The following DEPDC5 variants were observed in gnomAD, a reference collection of about 807,000 sequenced individuals.
DEPDC5 encodes GATOR1 complex protein DEPDC5.
Under a neutral mutation model 217.3 loss-of-function variants are expected in DEPDC5, and 73 were observed. The ratio of observed to expected loss-of-function variants is 0.34; its 90% confidence interval spans 0.28 to 0.41. The LOEUF (loss-of-function observed/expected upper bound fraction) is 0.41, where lower values mean the gene tolerates loss of function less well. Ranked by LOEUF, DEPDC5 falls within the 10% of genes least tolerant of loss-of-function variation. DEPDC5 has a pLI of 1.00. For missense variants in DEPDC5, 1,675 were observed against 2,070.1 expected (o/e 0.81, Z 3.70); for synonymous variants, 733 against 756.7 (o/e 0.97, Z 0.51).
rs2091209522 is a variant in DEPDC5 at position 31,838,805 on chromosome 22, T to TGTCCCGCCCCCGCTGAGCAGTAGCCCA, written c.2476_2502dup (p.Val826_Pro834dup). On this transcript the variant is annotated inframe_insertion, in exon 27 of 43. Coordinates refer to ENST00000651528, the MANE Select transcript of DEPDC5 (RefSeq NM_001242896.3). The stretch of plus-strand genomic sequence containing the variant: ...CCAAGACACAGAAACCCAATCCTGC[T>TGTCCCGCCCCCGCTGAGCAGTAGCCCA]GTCCCGCCCCCGCTGAGCAGTAGCC... 6.2e-7 allele frequency: 1 copy of TGTCCCGCCCCCGCTGAGCAGTAGCCCA among 1,614,064 alleles called. No individual in the cohort carries two copies. The highest frequency in any genetic ancestry group is 8.5e-7 in the Non-Finnish European group (1 of 1,180,026).
At chr22:31,898,215 C>G (rs1048916033) in intron 40 of DEPDC5, among the ~76,000 whole-genome samples, 1 of 152,032 alleles carries the variant, frequency 6.6e-6, no homozygotes, top group Non-Finnish European at 1.5e-5. Flanking sequence ...GGAACCAAAT[C>G]AGAGCCTTTC....
intron 2 of DEPDC5, chr22:31,755,188 A>C: frequency 3.8e-6 from 2 of 520,696 alleles, no homozygotes; most frequent in Non-Finnish European, 6.8e-6. Flanking sequence ...AACATTGTGA[A>C]TGCTGCCGGT....
intron 4 of DEPDC5, 57 bp from the exon 5 acceptor site, chr22:31,764,918 A>G (rs1342814473): frequency 4.5e-6 from 6 of 1,324,932 alleles, no homozygotes; most frequent in Non-Finnish European, 5.5e-6. Flanking sequence ...AGATTAGAAT[A>G]TATGGATCTG....
At chr22:31,777,496 G>A (rs887115035) in intron 7 of DEPDC5, among the ~76,000 whole-genome samples, 6 of 151,262 alleles carry the variant, frequency 4.0e-5, no homozygotes, top group Non-Finnish European at 7.4e-5. Context: ...TCCTGACCTC[G>A]TGATCTGCCC....
intron 33 of DEPDC5, among the ~76,000 whole-genome samples, chr22:31,863,761 A>T (rs554399756): frequency 6.6e-6 from 1 of 152,250 alleles, no homozygotes; most frequent in East Asian, 1.9e-4. Flanking sequence ...CATCTCTAAT[A>T]AAAATACAAA....
At chr22:31,814,853 G>T (rs2088883344) in intron 20 of DEPDC5, 139 bp from the exon 21 acceptor site, 3 of 802,652 alleles carry the variant, frequency 3.7e-6, no homozygotes, top group Non-Finnish European at 6.1e-6. Context: ...ACCGCATACA[G>T]GTTTCCCACT....
chr22:31,779,428 A>G (rs2084199929), intron 8 of DEPDC5, among the ~76,000 whole-genome samples: 1 of 152,224 alleles, frequency 6.6e-6, no homozygotes, highest in African/African-American at 2.4e-5. Context: ...AGAGTATTCC[A>G]GGCAAAGGAA....
chr22:31,843,053 T>A (rs764830813), intron 27 of DEPDC5, 42 bp from the exon 28 acceptor site: 1 of 1,449,324 alleles, frequency 6.9e-7, no homozygotes, highest in East Asian at 2.3e-5. Context: ...GTTATAGGAA[T>A]GAGCTTCAAA....
chr22:31,812,575 C>A (rs2088532302), intron 20 of DEPDC5, among the ~76,000 whole-genome samples: 1 of 146,706 alleles, frequency 6.8e-6, no homozygotes, highest in African/African-American at 2.5e-5. Context: ...CAGGCGCCCA[C>A]CACCACGCCC....
chr22:31,849,642 A>G (rs2091919440), intron 31 of DEPDC5, among the ~76,000 whole-genome samples: 5 of 152,086 alleles, frequency 3.3e-5, no homozygotes, highest in Admixed American at 2.6e-4. Flanking sequence ...TTAGCCGGGC[A>G]TGGTGGCACA....
intron 7 of DEPDC5, 82 bp downstream of exon 7, chr22:31,768,945 T>G (rs1470524592): frequency 2.1e-5 from 32 of 1,516,144 alleles, no homozygotes; most frequent in Non-Finnish European, 2.6e-5. Context: ...GTCCATATAA[T>G]AAAATGTGTA....
rs565074056 is a variant in DEPDC5, at chr22:31,802,808, A to G, written c.1051A>G (p.Ile351Val). The change falls in exon 15 of 43, where the codon ATC becomes GTC. Residue 351 changes from isoleucine (I) to valine (V), a missense_variant. Transcript: ENST00000651528. Reference sequence around the variant, plus strand: ...CTTTGAAGTGGACCGCCTACTCATGATCCTGACCAAGCAGCGGATGATAGA... The same window carrying G: ...CTTTGAAGTGGACCGCCTACTCATGGTCCTGACCAAGCAGCGGATGATAGA... ...GVFEVDRLLM[I>V]LTKQRMIDNG... 2 of 1,606,962 alleles carry G rather than the reference A, an allele frequency of 1.2e-6. No individual in the cohort carries two copies. Among genetic ancestry groups the G allele is most frequent in the East Asian group, 2.2e-5 (1 of 44,450 alleles).
At chr22:31,903,051 T>C (rs2093678434) in intron 41 of DEPDC5, among the ~76,000 whole-genome samples, 1 of 151,902 alleles carries the variant, frequency 6.6e-6, no homozygotes. Flanking sequence ...CAGCCAGCTT[T>C]TTCTACCACA....
chr22:31,858,995 A>G (rs1206828518), intron 32 of DEPDC5: 1 of 151,696 alleles, frequency 6.6e-6, no homozygotes, highest in Non-Finnish European at 1.5e-5. Context: ...CATATTTTAG[A>G]CTTTGTGGCC....
intron 33 of DEPDC5, among the ~76,000 whole-genome samples, chr22:31,862,638 A>G (rs1456497963): frequency 2.0e-5 from 3 of 152,238 alleles, no homozygotes; most frequent in Non-Finnish European, 2.9e-5. Flanking sequence ...TAGTGGGCAT[A>G]TAGCTAGTGA....
chr22:31,846,770 G>T, intron 30 of DEPDC5, 64 bp from the exon 31 acceptor site: 1 of 1,610,892 alleles, frequency 6.2e-7, no homozygotes, highest in Non-Finnish European at 8.5e-7. Flanking sequence ...ATGCCCTGGG[G>T]CATGAGTGGC....
intron 24 of DEPDC5, among the ~76,000 whole-genome samples, chr22:31,833,396 G>A (rs550905727): frequency 6.6e-6 from 1 of 152,266 alleles, no homozygotes; most frequent in Non-Finnish European, 1.5e-5. Context: ...GTGTCATATT[G>A]TAGAAAGCCA....
At chr22:31,791,996 A>G (rs946109909) in intron 10 of DEPDC5, 37 bp from the exon 11 acceptor site, 4 of 1,465,850 alleles carry the variant, frequency 2.7e-6, no homozygotes, top group Non-Finnish European at 3.8e-6. Context: ...AGTAAATGAA[A>G]CAAACTTCAA....
chr22:31,866,739 C>G (rs2092700039), intron 33 of DEPDC5, among the ~76,000 whole-genome samples: 2 of 152,136 alleles, frequency 1.3e-5, no homozygotes, highest in Admixed American at 1.3e-4. Flanking sequence ...GGCCAGGTGT[C>G]CTGTAGAATG....
Sources: allele counts gnomAD v4.1 joint callset (sites outside exome capture counted in the v4.1 genomes callset), GRCh38; gene constraint gnomAD v4.1.1; transcripts MANE v1.5; gene names NCBI Gene and HGNC (gene_info 2026-07-23, HGNC 2026-07-21).